Variants in PDE5A observed in about 807,000 individuals in gnomAD.
PDE5A encodes cGMP-specific 3',5'-cyclic phosphodiesterase.
In PDE5A, 67 loss-of-function variants were observed where a neutral mutation model predicts 110.2. The ratio of observed to expected loss-of-function variants is 0.61; its 90% CI spans 0.50 to 0.75. PDE5A has a LOEUF of 0.75. Among genes scored for constraint, PDE5A ranks in the 30% least tolerant of loss-of-function variants. The pLI is 0.00. For synonymous variants in PDE5A, 328 were observed against 351.2 expected (o/e 0.93, Z 0.74); for missense variants, 862 against 1,045.1 (o/e 0.82, Z 2.42).
chr4:119,511,184 G>A, intron 14 of PDE5A, 50 bp from the exon 15 acceptor site: 1 of 1,128,646 alleles, frequency 8.9e-7, no homozygotes, highest in Non-Finnish European at 1.3e-6. Flanking sequence ...TCCTTAATAT[G>A]CCATTTATCA....
intron 7 of PDE5A, among the ~76,000 whole-genome samples, chr4:119,559,936 C>T (rs1050764779): frequency 1.3e-5 from 2 of 152,174 alleles, no homozygotes; most frequent in African/African-American, 4.8e-5. Flanking sequence ...AAAGTCAGGT[C>T]TACCTTCTGA....
intron 13 of PDE5A, among the ~76,000 whole-genome samples, chr4:119,520,651 CAG>C (rs1280267894): frequency 6.6e-6 from 1 of 152,002 alleles, no homozygotes; most frequent in Non-Finnish European, 1.5e-5. Flanking sequence ...GTGTTTTCCT[CAG>C]AAGGAAATAT....
chr4:119,522,537 A>T (rs1726163808), intron 12 of PDE5A, among the ~76,000 whole-genome samples: 1 of 152,134 alleles, frequency 6.6e-6, no homozygotes, highest in Non-Finnish European at 1.5e-5. Flanking sequence ...TCTTTTTACT[A>T]ATCATAAATG....
intron 11 of PDE5A, among the ~76,000 whole-genome samples, chr4:119,533,904 C>A (rs2110480299): frequency 6.6e-6 from 1 of 152,106 alleles, no homozygotes; most frequent in Admixed American, 6.5e-5. Flanking sequence ...AAAAAAATGA[C>A]ACTAAAACTA....
At chr4:119,578,091 C>T (rs1478353592) in intron 3 of PDE5A, among the ~76,000 whole-genome samples, 2 of 152,114 alleles carry the variant, frequency 1.3e-5, no homozygotes, top group Non-Finnish European at 2.9e-5. Context: ...TTCACAATTG[C>T]TTCAAAGAGA....
chr4:119,504,937 T>C (rs2110456111), intron 17 of PDE5A, among the ~76,000 whole-genome samples: 1 of 152,152 alleles, frequency 6.6e-6, no homozygotes, highest in South Asian at 2.1e-4. Flanking sequence ...AGCGACAGTA[T>C]GATGAAAGTA....
intron 3 of PDE5A, among the ~76,000 whole-genome samples, chr4:119,579,991 C>G (rs1474491567): frequency 6.6e-6 from 1 of 152,136 alleles, no homozygotes; most frequent in African/African-American, 2.4e-5. Context: ...GGCTGAAGTC[C>G]TGATCATTTG....
chr4:119,596,353 C>G (rs549110533), intron 3 of PDE5A, among the ~76,000 whole-genome samples, 170 bp downstream of exon 3: 1 of 151,736 alleles, frequency 6.6e-6, no homozygotes, highest in East Asian at 1.9e-4. Flanking sequence ...CAGAATTAGG[C>G]CCTGTAACTA....
chr4:119,607,404 A>G lies in PDE5A; in HGVS notation c.153-107T>C, dbSNP rs1031595300. On this transcript the variant is annotated intron_variant, in intron 1 of 20. Transcript: ENST00000354960. ...GGTAAACTGATGAGATAATAATTTG[A>G]TATGTTATAGAAAATAAAAACAAGA... The G allele has an allele frequency of 5.7e-6, 4 of 697,556 alleles. No homozygotes were observed. In the African/African-American group the frequency reaches 7.2e-5, roughly 13 times the overall value. The allele number at this position is 697,556 out of a possible 1,614,324, so 43.2% of individuals were successfully genotyped here.
chr4:119,552,456 A>C (rs951292123), intron 9 of PDE5A, 94 bp downstream of exon 9: 14 of 459,242 alleles, frequency 3.0e-5, no homozygotes, highest in Non-Finnish European at 5.3e-5. Context: ...TCTTTTTTAA[A>C]ACATTTTATT....
intron 3 of PDE5A, among the ~76,000 whole-genome samples, chr4:119,590,895 C>A (rs1226611129): frequency 1.3e-5 from 2 of 152,046 alleles, no homozygotes; most frequent in Admixed American, 1.3e-4. Flanking sequence ...CTGAAAGGTA[C>A]CAGGATATTT....
Position 119,525,449 on chromosome 4 carries a change from A to G in PDE5A, c.1779+100T>C. On this transcript the variant is annotated intron_variant, in intron 12 of 20. Coordinates refer to ENST00000354960, the MANE Select transcript of PDE5A (RefSeq NM_001083.4). The surrounding 1 kb of genome is among the most constrained non-coding windows in gnomAD (Gnocchi z 4.3). ...ACAGTATATTAATCACTAAAATGTAAAAATCCCTATTCCATATTTGCATTC... is the reference window on the plus strand; with the variant it reads ...ACAGTATATTAATCACTAAAATGTAGAAATCCCTATTCCATATTTGCATTC... 1 of 1,139,464 alleles carries G rather than the reference A, an allele frequency of 8.8e-7. No homozygotes were observed. The highest frequency in any genetic ancestry group is 1.2e-6 in the Non-Finnish European group (1 of 806,996). 70.6% of individuals were successfully genotyped at this position (1,139,464 alleles called of 1,614,324 possible).
intron 19 of PDE5A, 115 bp from the exon 20 acceptor site, chr4:119,501,368 T>G (rs775257955): frequency 7.5e-6 from 5 of 662,426 alleles, no homozygotes; most frequent in Non-Finnish European, 1.3e-5. Flanking sequence ...TGGAGTGCAG[T>G]GGCACCATCT....
At chr4:119,509,676 A>G (rs1271251704) in intron 15 of PDE5A, among the ~76,000 whole-genome samples, 3 of 152,092 alleles carry the variant, frequency 2.0e-5, no homozygotes, top group Admixed American at 6.6e-5. Context: ...CACACATGAT[A>G]TAATTCACAT....
chr4:119,553,532 T>TA (rs200145605), intron 8 of PDE5A, 106 bp downstream of exon 8: 28,048 of 731,388 alleles, frequency 0.038, 678 homozygotes, highest in South Asian at 0.072. Flanking sequence ...AGATCATTCC[T>TA]AAACAGTCAA....
At chr4:119,536,478 G>A (rs1726727409) in intron 11 of PDE5A, among the ~76,000 whole-genome samples, 1 of 152,088 alleles carries the variant, frequency 6.6e-6, no homozygotes, top group Non-Finnish European at 1.5e-5. Context: ...TAAGCCTGAG[G>A]TGAATAATAC....
chr4:119,511,209 C>CTGTT, intron 14 of PDE5A, 75 bp from the exon 15 acceptor site: 1 of 855,198 alleles, frequency 1.2e-6, no homozygotes, highest in Non-Finnish European at 1.9e-6. Flanking sequence ...ATTTTTATTA[C>CTGTT]TGTTTAACTA....
At chr4:119,556,044 T>A (rs1448919179) in intron 7 of PDE5A, among the ~76,000 whole-genome samples, 1 of 152,184 alleles carries the variant, frequency 6.6e-6, no homozygotes, top group Non-Finnish European at 1.5e-5. Context: ...CATAGGAGCT[T>A]ACAATCTAGT....
chr4:119,543,450 T>C (rs1727020636), intron 9 of PDE5A, among the ~76,000 whole-genome samples: 1 of 152,178 alleles, frequency 6.6e-6, no homozygotes. Flanking sequence ...ACTTCTACCA[T>C]GTGCCCACTG....
Sources: gnomAD v4.1 joint callset for allele counts (sites outside exome capture counted in the v4.1 genomes callset) on GRCh38, gnomAD v4.1.1 for gene constraint, Gnocchi (gnomAD v3.1) non-coding constraint, MANE v1.5 for transcripts, NCBI Gene and HGNC (gene_info 2026-07-23, HGNC 2026-07-21) for gene names.